DPP6: variants seen among roughly 807,000 people sequenced by gnomAD.
The protein encoded by DPP6 is A-type potassium channel modulatory protein DPP6.
DPP6 carries 69 observed loss-of-function variants against 122.6 expected under a neutral mutation model. That is an observed-to-expected ratio of 0.56 (90% confidence interval 0.46 to 0.69). The LOEUF (loss-of-function observed/expected upper bound fraction) is 0.69, where lower values mean the gene tolerates loss of function less well. Among genes scored for constraint, DPP6 ranks in the 30% least tolerant of loss-of-function variants. The probability of loss-of-function intolerance (pLI) is 0.00; values close to 1 mark genes in which losing one functional copy is unlikely to be tolerated. For synonymous variants in DPP6, 418 were observed against 433.1 expected (o/e 0.97, Z 0.43); for missense variants, 928 against 1,116.9 (o/e 0.83, Z 2.41).
chr7:154,165,680 CTT>C (rs1797212908), intron 1 of DPP6, among the ~76,000 whole-genome samples: 1 of 151,972 alleles, frequency 6.6e-6, no homozygotes, highest in Non-Finnish European at 1.5e-5. Flanking sequence ...TGTTTCCTGA[CTT>C]TTTAATGACT....
intron 16 of DPP6, among the ~76,000 whole-genome samples, chr7:154,844,004 A>G (rs1223385732): frequency 6.6e-6 from 1 of 152,214 alleles, no homozygotes; most frequent in East Asian, 1.9e-4. Flanking sequence ...TGGCATCTCA[A>G]TACCTATTTG....
intron 1 of DPP6, among the ~76,000 whole-genome samples, chr7:154,233,417 C>T (rs1353844806): frequency 2.0e-5 from 3 of 152,168 alleles, no homozygotes; most frequent in Non-Finnish European, 2.9e-5. Flanking sequence ...ATGGTGCCCA[C>T]CCGAAATTCA....
At chr7:153,812,415 C>T in the DPP6 span, among the ~76,000 whole-genome samples, 1 of 152,072 alleles carries the variant, frequency 6.6e-6, no homozygotes, top group Non-Finnish European at 1.5e-5. Flanking sequence ...AACCTTGAAA[C>T]TCAGCATGTT....
intron 5 of DPP6, among the ~76,000 whole-genome samples, chr7:154,597,233 G>A (rs1833149238): frequency 6.6e-6 from 1 of 151,968 alleles, no homozygotes; most frequent in Admixed American, 6.6e-5. Flanking sequence ...GACAGAGAGA[G>A]ACAGTGGGGG....
At chr7:154,369,312 A>G in intron 1 of DPP6, among the ~76,000 whole-genome samples, 1 of 151,818 alleles carries the variant, frequency 6.6e-6, no homozygotes, top group South Asian at 2.1e-4. Context: ...TCAGGCTGGC[A>G]GTGTTTTCTT....
chr7:153,877,631 T>G, the DPP6 span, among the ~76,000 whole-genome samples: 2 of 152,200 alleles, frequency 1.3e-5, no homozygotes, highest in African/African-American at 4.8e-5. Context: ...CATGCATGAT[T>G]GCATAAAGAA....
At chr7:154,873,919 CAT>C (rs1190749466) in intron 19 of DPP6, among the ~76,000 whole-genome samples, 4 of 150,686 alleles carry the variant, frequency 2.7e-5, no homozygotes, top group Non-Finnish European at 2.9e-5. Flanking sequence ...GGCACACACA[CAT>C]GCACACACCC....
At chr7:154,632,061 G>T (rs961122169) in intron 5 of DPP6, among the ~76,000 whole-genome samples, 1 of 152,240 alleles carries the variant, frequency 6.6e-6, no homozygotes, top group Admixed American at 6.5e-5. Flanking sequence ...ACAGAAAACA[G>T]AAGTGAGGGA....
At chr7:154,794,296 C>T in intron 11 of DPP6, 94 bp downstream of exon 11, 1 of 1,422,698 alleles carries the variant, frequency 7.0e-7, no homozygotes, top group Non-Finnish European at 9.3e-7. Context: ...GCCCTCGGGC[C>T]TGGGACTTGG....
intron 1 of DPP6, among the ~76,000 whole-genome samples, chr7:153,949,046 T>C (rs548533558): frequency 6.6e-6 from 1 of 152,294 alleles, no homozygotes; most frequent in East Asian, 1.9e-4. Flanking sequence ...GACGACTGAA[T>C]TGCTCCAAAA....
intron 4 of DPP6, among the ~76,000 whole-genome samples, chr7:154,556,207 C>T (rs1195539316): frequency 6.6e-6 from 1 of 151,980 alleles, no homozygotes; most frequent in African/African-American, 2.4e-5. Flanking sequence ...ATTTGTGTAT[C>T]AATTATGAGG....
intron 1 of DPP6, among the ~76,000 whole-genome samples, chr7:154,252,216 G>A (rs1802393545): frequency 8.5e-6 from 1 of 117,490 alleles, no homozygotes; most frequent in Non-Finnish European, 1.7e-5. Flanking sequence ...AATGTCACGT[G>A]TGTGTGTGTG....
chr7:154,306,130 C>A (rs1585883454), intron 1 of DPP6, among the ~76,000 whole-genome samples: 1 of 152,126 alleles, frequency 6.6e-6, no homozygotes, highest in African/African-American at 2.4e-5. Flanking sequence ...GATAGACGGT[C>A]GGGATAAAGG....
intron 1 of DPP6, among the ~76,000 whole-genome samples, chr7:154,297,886 G>A (rs1442667688): frequency 1.3e-5 from 2 of 152,184 alleles, no homozygotes; most frequent in Non-Finnish European, 2.9e-5. Context: ...ATGCTGCGAC[G>A]AGCTTTTCCA....
At chr7:154,100,734 C>T (rs1349056626) in intron 1 of DPP6, among the ~76,000 whole-genome samples, 2 of 99,994 alleles carry the variant, frequency 2.0e-5, no homozygotes, top group African/African-American at 7.7e-5. Context: ...TCCCTCCCCA[C>T]GCCAGCAGTT....
intron 5 of DPP6, among the ~76,000 whole-genome samples, chr7:154,574,936 T>C (rs936064967): frequency 2.1e-5 from 3 of 140,838 alleles, no homozygotes; most frequent in African/African-American, 8.0e-5. Flanking sequence ...GGTGTATGTG[T>C]GTTGTGTGTG....
At chr7:154,293,615 A>G (rs1459866057) in intron 1 of DPP6, among the ~76,000 whole-genome samples, 1 of 152,156 alleles carries the variant, frequency 6.6e-6, no homozygotes, top group Non-Finnish European at 1.5e-5. Flanking sequence ...ATTCATTTGC[A>G]TTCTCCCAGG....
In DPP6 at chr7:154,199,935, A is replaced by G. The variant is rs1038381147; in HGVS notation, c.243+146872A>G. ...CTCAGCTACTTTAAAACAAATAACA[A>G]CAAAAAAATCTCCTGATTGTCAGTG... On this transcript the variant is annotated intron_variant, in intron 1 of 25. Coordinates refer to ENST00000377770, the MANE Select transcript of DPP6 (RefSeq NM_130797.4). Among the ~76,000 whole-genome samples, 13 of 152,242 alleles carry G rather than the reference A, an allele frequency of 8.5e-5. No individual in the cohort carries two copies. In the East Asian group the frequency reaches 1.5e-3, roughly 18 times the overall value.
At chr7:153,995,050 C>T (rs1797358908) in intron 1 of DPP6, among the ~76,000 whole-genome samples, 1 of 152,164 alleles carries the variant, frequency 6.6e-6, no homozygotes, top group South Asian at 2.1e-4. Flanking sequence ...GACCAGCCTG[C>T]CTGGAGCAAA....
Sources: gnomAD v4.1 joint callset for allele counts (sites outside exome capture counted in the v4.1 genomes callset) on GRCh38, gnomAD v4.1.1 for gene constraint, MANE v1.5 for transcripts, NCBI Gene and HGNC (gene_info 2026-07-23, HGNC 2026-07-21) for gene names.